Variants in EFNA5 observed in about 807,000 individuals in gnomAD.
The protein encoded by EFNA5 is ephrin-A5.
A neutral mutation model predicts 22.9 loss-of-function variants in EFNA5; 5 were observed. The observed-to-expected ratio is 0.22, with a 90% CI of 0.11 to 0.46. EFNA5 has a LOEUF of 0.46. Ranked by LOEUF, EFNA5 falls within the 20% of genes least tolerant of loss-of-function variation. EFNA5 has a pLI of 0.99. For synonymous variants in EFNA5, 113 were observed against 112.2 expected (o/e 1.01, Z -0.04); for missense variants, 237 against 293.3 (o/e 0.81, Z 1.40).
chr5:107,626,291 G>A lies in EFNA5; in HGVS notation c.125+44198C>T, dbSNP rs188898206. ...TCTTTTTTTTTCTTACTATTTTTTTGAGACAAGTTCTTACTCTGGCTCTAT... is the reference window on the plus strand; with the variant it reads ...TCTTTTTTTTTCTTACTATTTTTTTAAGACAAGTTCTTACTCTGGCTCTAT... On this transcript the variant is annotated intron_variant, in intron 1 of 4. Transcript: ENST00000333274. Among the ~76,000 whole-genome samples, 31 of 151,244 alleles carry A rather than the reference G, an allele frequency of 2.0e-4. 1 individual carries two copies. The East Asian group carries it at 4.1e-3, about 20-fold the overall frequency.
intron 1 of EFNA5, among the ~76,000 whole-genome samples, chr5:107,428,300 C>T (rs1030737938): frequency 2.6e-5 from 4 of 152,186 alleles, no homozygotes; most frequent in African/African-American, 9.7e-5. Flanking sequence ...TTTAATCCCT[C>T]AACAGGTCAT....
chr5:107,441,365 C>T, intron 1 of EFNA5, among the ~76,000 whole-genome samples: 1 of 152,162 alleles, frequency 6.6e-6, no homozygotes, highest in East Asian at 1.9e-4. Flanking sequence ...TGCTGTTAAA[C>T]CTGCCCTGAA....
At chr5:107,463,459 A>G (rs1561397174) in intron 1 of EFNA5, among the ~76,000 whole-genome samples, 1 of 152,150 alleles carries the variant, frequency 6.6e-6, no homozygotes, top group Non-Finnish European at 1.5e-5. Context: ...CCAAACTACT[A>G]CACCTGATAT....
At chr5:107,384,626 C>T (rs1250104436) in intron 4 of EFNA5, among the ~76,000 whole-genome samples, 1 of 151,984 alleles carries the variant, frequency 6.6e-6, no homozygotes, top group East Asian at 1.9e-4. Context: ...TCTCTCTCTT[C>T]TTAGAGACAG....
At chr5:107,572,248 G>C (rs1043485154) in intron 1 of EFNA5, among the ~76,000 whole-genome samples, 7 of 151,920 alleles carry the variant, frequency 4.6e-5, no homozygotes, top group African/African-American at 1.7e-4. Flanking sequence ...GACAGCCCTC[G>C]GAGCTCTCTG....
chr5:107,383,777 G>A (rs1463886750), intron 4 of EFNA5, among the ~76,000 whole-genome samples: 1 of 152,148 alleles, frequency 6.6e-6, no homozygotes, highest in African/African-American at 2.4e-5. Context: ...ATTATTCCAG[G>A]TCCACTCAGC....
At chr5:107,633,810 T>C (rs946678058) in intron 1 of EFNA5, among the ~76,000 whole-genome samples, 4 of 152,140 alleles carry the variant, frequency 2.6e-5, no homozygotes, top group African/African-American at 9.7e-5. Flanking sequence ...CACAAACGTA[T>C]TCACACTTGA....
chr5:107,469,654 C>A (rs1025055908), intron 1 of EFNA5, among the ~76,000 whole-genome samples: 3 of 151,850 alleles, frequency 2.0e-5, no homozygotes, highest in South Asian at 2.1e-4. Flanking sequence ...TACTGCCCCC[C>A]CTTTATTTTT....
intron 1 of EFNA5, among the ~76,000 whole-genome samples, chr5:107,603,142 TTTCA>T (rs1749640364): frequency 6.6e-6 from 1 of 152,168 alleles, no homozygotes; most frequent in Non-Finnish European, 1.5e-5. Flanking sequence ...GTTATAACTG[TTTCA>T]TTGTTTAAAG....
At chr5:107,457,510 ATT>A (rs1749725990) in intron 1 of EFNA5, among the ~76,000 whole-genome samples, 1 of 152,200 alleles carries the variant, frequency 6.6e-6, no homozygotes, top group Non-Finnish European at 1.5e-5. Context: ...TATGTAAATC[ATT>A]GTTATACTGT....
intron 1 of EFNA5, among the ~76,000 whole-genome samples, chr5:107,510,240 TC>T (rs1370610445): frequency 8.5e-5 from 13 of 152,204 alleles, no homozygotes; most frequent in Admixed American, 7.2e-4. Flanking sequence ...TAAAAGACAC[TC>T]CCACCAGTGC....
At chr5:107,569,174 T>TG (rs1199980292) in intron 1 of EFNA5, among the ~76,000 whole-genome samples, 1 of 151,900 alleles carries the variant, frequency 6.6e-6, no homozygotes, top group Non-Finnish European at 1.5e-5. Flanking sequence ...CTTTCTGTAT[T>TG]GGGGGTGAAT....
At chr5:107,552,012 T>C (rs2457867) in intron 1 of EFNA5, among the ~76,000 whole-genome samples, 29,862 of 151,942 alleles carry the variant, frequency 0.2, 3,535 homozygotes, top group South Asian at 0.34. Context: ...TAGCAATCTC[T>C]CTCCTCTTCT....
rs3797517 is a variant in EFNA5, at chr5:107,403,258, C to G, written c.419-15487G>C. Among the ~76,000 whole-genome samples the G allele has an allele frequency of 3.3e-5, 5 of 152,136 alleles. No homozygotes were observed. The South Asian group carries it at 1.0e-3, about 32-fold the overall frequency. On this transcript the variant is annotated intron_variant, in intron 2 of 4. Transcript: ENST00000333274. ...ACAACTTGTGATCCCTTTGATGACC[C>G]GAGAAGGTTAGTCTTTAAAACAAGA...
chr5:107,643,094 A>G (rs1410067086), intron 1 of EFNA5, among the ~76,000 whole-genome samples: 2 of 152,288 alleles, frequency 1.3e-5, no homozygotes, highest in Admixed American at 1.3e-4. Context: ...GCCTCAAAAA[A>G]CAACAGGAGG....
At chr5:107,593,331 C>G (rs1362155770) in intron 1 of EFNA5, among the ~76,000 whole-genome samples, 1 of 152,176 alleles carries the variant, frequency 6.6e-6, no homozygotes, top group South Asian at 2.1e-4. Context: ...CATTCTGTGG[C>G]TTTGCACCAG....
chr5:107,665,206 G>T (rs1420248243), intron 1 of EFNA5, among the ~76,000 whole-genome samples: 1 of 152,180 alleles, frequency 6.6e-6, no homozygotes, highest in Non-Finnish European at 1.5e-5. Context: ...TCTTGGCCCA[G>T]CGTGAAGCTG....
intron 1 of EFNA5, among the ~76,000 whole-genome samples, chr5:107,659,338 C>T (rs1750893908): frequency 6.6e-6 from 1 of 151,966 alleles, no homozygotes; most frequent in Admixed American, 6.6e-5. Flanking sequence ...TTATATAGGA[C>T]CAAGTTCTGA....
At chr5:107,445,885 G>A (rs1041527243) in intron 1 of EFNA5, among the ~76,000 whole-genome samples, 1 of 152,194 alleles carries the variant, frequency 6.6e-6, no homozygotes, top group African/African-American at 2.4e-5. Flanking sequence ...AATCAGAGTT[G>A]ATTAAAGATG....
Sources: gnomAD v4.1 joint callset for allele counts (sites outside exome capture counted in the v4.1 genomes callset) on GRCh38, gnomAD v4.1.1 for gene constraint, MANE v1.5 for transcripts, NCBI Gene and HGNC (gene_info 2026-07-23, HGNC 2026-07-21) for gene names.